UBAP1L: variants seen among roughly 807,000 people sequenced by gnomAD.
UBAP1L encodes ubiquitin-associated protein 1-like.
Under a neutral mutation model 32.1 loss-of-function variants are expected in UBAP1L, and 32 were observed. That is an observed-to-expected ratio of 1.00 (90% CI 0.75 to 1.34). UBAP1L has a LOEUF of 1.34. Ranked by LOEUF, UBAP1L falls within the 40% of genes most tolerant of loss-of-function variation. The pLI is 0.00. For synonymous variants in UBAP1L, 243 were observed against 250.2 expected (o/e 0.97, Z 0.27); for missense variants, 516 against 540.5 (o/e 0.95, Z 0.45).
chr15:65,093,749 A>T (rs557599033), intron 5 of UBAP1L, among the ~76,000 whole-genome samples: 4 of 152,284 alleles, frequency 2.6e-5, no homozygotes, highest in Non-Finnish European at 5.9e-5. Context: ...GGGCACTTAG[A>T]AGTGACTACT....
chr15:65,099,650 T>C lies in UBAP1L; in HGVS notation c.764A>G (p.Lys255Arg). Residue 255 changes from lysine to arginine, a missense_variant, in exon 4 of 6, where the codon AAG (lysine) becomes AGG (arginine). Physicochemically the swap from Lys to Arg is conservative, Grantham distance 26 (BLOSUM62 2). Coordinates refer to ENST00000559089, the MANE Select transcript of UBAP1L (RefSeq NM_001163692.2). ...GGAPQPLNPHKSHPDTAADLL... is the reference protein window; with the variant it reads ...GGAPQPLNPHRSHPDTAADLL... ...GTCAGCCGCAGTATCAGGGTGTGAC[T>C]TGTGGGGGTTGAGAGGTTGGGGTGC... The C allele has an allele frequency of 3.2e-6, 5 of 1,551,546 alleles. No homozygotes were observed. Among genetic ancestry groups the C allele is most frequent in the Non-Finnish European group, 3.5e-6 (4 of 1,146,942 alleles).
chr15:65,113,677 GGCGAAGGTTGCA>G (rs767399455), intron 1 of UBAP1L, among the ~76,000 whole-genome samples: 2 of 152,098 alleles, frequency 1.3e-5, no homozygotes, highest in Non-Finnish European at 2.9e-5. Flanking sequence ...GAACCTGGGA[GGCGAAGGTTGCA>G]GTGAACCAAG....
intron 3 of UBAP1L, among the ~76,000 whole-genome samples, chr15:65,101,785 GTCCC>G (rs2087241894): frequency 6.6e-6 from 1 of 152,186 alleles, no homozygotes; most frequent in Admixed American, 6.5e-5. Context: ...GTGCGATCCA[GTCCC>G]TGCCCTAAAA....
chr15:65,093,341 T>C, intron 5 of UBAP1L, 110 bp from the exon 6 acceptor site: 1 of 1,352,798 alleles, frequency 7.4e-7, no homozygotes, highest in Non-Finnish European at 9.7e-7. Flanking sequence ...AAGCTGTGGC[T>C]ACCCCCAGGC....
chr15:65,102,132 G>GC lies in UBAP1L; in HGVS notation c.672dup (p.Leu225AlafsTer35). 8.3e-7 allele frequency: 1 copy of GC among 1,208,666 alleles called. No individual in the cohort carries two copies. The allele number at this position is 1,208,666 out of a possible 1,614,324, so 74.9% of individuals were successfully genotyped here. A position where few individuals can be genotyped will look rare whatever the true frequency, so the allele number is the denominator to read the frequency against. ...GCGACCGTAGGCTTGTGGCTCCGCA[G>GC]CGGGGGGATGGCGCCTGCCGTGGAG... On this transcript the variant is annotated frameshift_variant, in exon 3 of 6. Transcript: ENST00000559089. LOFTEE classifies it high-confidence loss of function. The surrounding 1 kb of genome is among the most constrained non-coding windows in gnomAD (Gnocchi z 5.0).
chr15:65,111,794 T>C (rs976202257), intron 1 of UBAP1L, among the ~76,000 whole-genome samples: 10 of 150,948 alleles, frequency 6.6e-5, no homozygotes, highest in African/African-American at 2.4e-4. Flanking sequence ...CTATATCTCT[T>C]TTTTTTTTCT....
chr15:65,093,240 G>A lies in UBAP1L; in HGVS notation c.1012-9C>T. On this transcript the variant is annotated splice_polypyrimidine_tract_variant and intron_variant, in intron 5 of 5. Coordinates refer to ENST00000559089, the MANE Select transcript of UBAP1L (RefSeq NM_001163692.2). ...CGCAGGAACTCCCCTGCCTGAGGAAGAGGAGACAGGGAGGGTGCTGGGGGC... is the reference window on the plus strand; with the variant it reads ...CGCAGGAACTCCCCTGCCTGAGGAAAAGGAGACAGGGAGGGTGCTGGGGGC... 1 of 1,539,188 alleles carries A rather than the reference G, an allele frequency of 6.5e-7. No homozygotes were observed. The highest frequency in any genetic ancestry group is 8.8e-7 in the Non-Finnish European group (1 of 1,142,822).
intron 5 of UBAP1L, among the ~76,000 whole-genome samples, chr15:65,093,880 C>T (rs2087144917): frequency 6.6e-6 from 1 of 152,010 alleles, no homozygotes; most frequent in Non-Finnish European, 1.5e-5. Flanking sequence ...TCCGTCTCTA[C>T]TGAAAATACA....
chr15:65,104,432 AT>A (rs2087282172), intron 2 of UBAP1L, among the ~76,000 whole-genome samples: 1 of 152,228 alleles, frequency 6.6e-6, no homozygotes, highest in East Asian at 1.9e-4. Flanking sequence ...CTATTAAAAT[AT>A]AGAAGTTCAA....
At chr15:65,104,018 G>A (rs1232376281) in intron 2 of UBAP1L, among the ~76,000 whole-genome samples, 1 of 152,184 alleles carries the variant, frequency 6.6e-6, no homozygotes, top group East Asian at 1.9e-4. Context: ...ACTTTGGGAG[G>A]CTGAGGCAGG....
At position 65,102,634 on chromosome 15, in the gene UBAP1L, G is replaced by A. The variant is rs1381353075; in HGVS notation, c.171C>T (p.Gly57=). 1.2e-5 allele frequency: 18 copies of A among 1,549,156 alleles called. No homozygotes were observed. In the Admixed American group the frequency reaches 2.2e-4, roughly 19 times the overall value. The change falls in exon 3 of 6, where the codon GGC becomes GGT. Residue 57 remains glycine, a synonymous_variant. Coordinates refer to ENST00000559089, the MANE Select transcript of UBAP1L (RefSeq NM_001163692.2). The surrounding 1 kb of genome is among the most constrained non-coding windows in gnomAD (Gnocchi z 5.0). The stretch of plus-strand genomic sequence containing the variant: ...CGCACTGGTACGGGCTGGGTCCCTG[G>A]CCGGCGGCCTCCACCCAGAAGAGTG... The part of the protein sequence containing the change: ...RTALFWVEAA[G]QGPSPYQCGD...
At chr15:65,105,844 G>A in intron 2 of UBAP1L, 1 of 693,440 alleles carries the variant, frequency 1.4e-6, no homozygotes, top group Non-Finnish European at 2.6e-6. Context: ...AGGCTGAAAT[G>A]CAGTGGCACA....
chr15:65,093,756 T>C (rs1365531137), intron 5 of UBAP1L, among the ~76,000 whole-genome samples: 1 of 152,182 alleles, frequency 6.6e-6, no homozygotes, highest in East Asian at 1.9e-4. Context: ...TAGAAGTGAC[T>C]ACTGGGGCCG....
At position 65,102,523 on chromosome 15, in the gene UBAP1L, G is replaced by C. The variant is rs2087256487; in HGVS notation, c.282C>G (p.Ile94Met). 9 of 1,492,692 alleles carry C rather than the reference G, an allele frequency of 6.0e-6. No homozygotes were observed. Among genetic ancestry groups the C allele is most frequent in the African/African-American group, 2.9e-5 (2 of 69,536 alleles). The allele number at this position is 1,492,692 out of a possible 1,614,324, so 92.5% of individuals were successfully genotyped here. ...EHGLAPAPTTIRDPEAGHQER... is the reference protein window; with the variant it reads ...EHGLAPAPTTMRDPEAGHQER... Reference sequence around the variant, plus strand: ...CCTGGTGTCCGGCCTCCGGGTCTCTGATTGTGGTGGGCGCAGGCGCCAGCC... The same window carrying C: ...CCTGGTGTCCGGCCTCCGGGTCTCTCATTGTGGTGGGCGCAGGCGCCAGCC... Residue 94 changes from isoleucine to methionine, a missense_variant, in exon 3 of 6, where the codon ATC (isoleucine) becomes ATG (methionine). Ile to Met is a conservative substitution (Grantham distance 10). Coordinates refer to ENST00000559089, the MANE Select transcript of UBAP1L (RefSeq NM_001163692.2). The surrounding 1 kb of genome is among the most constrained non-coding windows in gnomAD (Gnocchi z 5.0).
chr15:65,104,700 C>A (rs2087285011), intron 2 of UBAP1L, among the ~76,000 whole-genome samples: 2 of 152,164 alleles, frequency 1.3e-5, no homozygotes, highest in Admixed American at 1.3e-4. Context: ...CATAGTGAGA[C>A]TGTCTCTACA....
chr15:65,098,277 A>G (rs1486023388), intron 4 of UBAP1L: 1 of 152,168 alleles, frequency 6.6e-6, no homozygotes, highest in Non-Finnish European at 1.5e-5. Context: ...AGGGCCTCCC[A>G]AACACTTCCT....
chr15:65,106,203 C>A lies in UBAP1L; in HGVS notation c.13G>T (p.Asp5Tyr). ...TTGGGCAACTTGAAAGGAACACCAT[C>A]GAGGGCATTCATTCTGTCAGGAGTG... Reference protein sequence around the residue: MNALDGVPFKLPKGF... With the variant: MNALYGVPFKLPKGF... Residue 5 changes from aspartate (D) to tyrosine (Y), a missense_variant, in exon 2 of 6, where the codon GAT (aspartate) becomes TAT (tyrosine). By Grantham distance (160) the Asp-to-Tyr change is radical. Transcript: ENST00000559089. 4 of 1,545,522 alleles carry A rather than the reference C, an allele frequency of 2.6e-6. No individual in the cohort carries two copies. Among genetic ancestry groups the A allele is most frequent in the Non-Finnish European group, 3.5e-6 (4 of 1,145,322 alleles).
intron 3 of UBAP1L, chr15:65,100,724 T>G (rs1595920058): frequency 6.6e-6 from 1 of 152,112 alleles, no homozygotes; most frequent in African/African-American, 2.4e-5. Context: ...CACACATGAA[T>G]CCCCACCCAT....
chr15:65,105,376 G>A (rs1445618007), intron 2 of UBAP1L, among the ~76,000 whole-genome samples: 1 of 150,184 alleles, frequency 6.7e-6, no homozygotes, highest in Non-Finnish European at 1.5e-5. Context: ...CTACTTGGGA[G>A]GCTGAGGTGG....
Sources: allele counts gnomAD v4.1 joint callset (sites outside exome capture counted in the v4.1 genomes callset), GRCh38; gene constraint gnomAD v4.1.1; non-coding constraint Gnocchi (gnomAD v3.1); transcripts MANE v1.5; gene names NCBI Gene and HGNC (gene_info 2026-07-23, HGNC 2026-07-21).